The following DNAH11 variants were observed in gnomAD, a reference collection of about 807,000 sequenced individuals.
The protein encoded by DNAH11 is dynein axonemal heavy chain 11.
In DNAH11, 442 loss-of-function variants were observed where a neutral mutation model predicts 526.0. The ratio of observed to expected loss-of-function variants is 0.84; its 90% CI spans 0.78 to 0.91. The LOEUF (loss-of-function observed/expected upper bound fraction) is 0.91. Among genes scored for constraint, DNAH11 ranks in the 40% least tolerant of loss-of-function variants. The pLI is 0.00. For synonymous variants in DNAH11, 2,461 were observed against 1,935.9 expected, an observed-to-expected ratio of 1.27 and a Z score of -7.12; for missense variants, 6,989 against 5,448.7, an observed-to-expected ratio of 1.28 and a Z score of -8.90.
At chr7:21,772,184 T>C (rs951072182) in intron 55 of DNAH11, among the ~76,000 whole-genome samples, 1 of 152,160 alleles carries the variant, frequency 6.6e-6, no homozygotes, top group African/African-American at 2.4e-5. Context: ...TTTTGCCCCA[T>C]TGAGACAAGT....
chr7:21,644,045 A>G (rs1006011727), intron 28 of DNAH11, among the ~76,000 whole-genome samples: 1 of 151,306 alleles, frequency 6.6e-6, no homozygotes, highest in African/African-American at 2.4e-5. Flanking sequence ...CTTCAAGGAC[A>G]TCTGCACCAA....
chr7:21,571,227 G>GA (rs1191134178), intron 7 of DNAH11, among the ~76,000 whole-genome samples: 1 of 152,124 alleles, frequency 6.6e-6, no homozygotes, highest in Non-Finnish European at 1.5e-5. Flanking sequence ...AAAATTGGGG[G>GA]AGTTATGTGT....
chr7:21,614,162 C>T (rs1364780052), intron 20 of DNAH11, among the ~76,000 whole-genome samples: 1 of 152,036 alleles, frequency 6.6e-6, no homozygotes, highest in Admixed American at 6.6e-5. Flanking sequence ...GTTGATGGAA[C>T]ATAAAAGCAT....
intron 20 of DNAH11, among the ~76,000 whole-genome samples, chr7:21,608,559 A>T (rs1006211649): frequency 6.6e-6 from 1 of 152,234 alleles, no homozygotes. Flanking sequence ...ACACCATTCT[A>T]TAGCATCATG....
Position 21,786,764 on chromosome 7 carries a change from A to T in DNAH11, c.9738A>T (p.Gly3246=). The T allele has an allele frequency of 6.2e-7, 1 of 1,613,694 alleles. No individual in the cohort carries two copies. The highest frequency in any genetic ancestry group is 8.5e-7 in the Non-Finnish European group (1 of 1,179,700). The change falls in exon 59 of 82, where the codon GGA becomes GGT. Residue 3246 remains glycine, a synonymous_variant. Coordinates refer to ENST00000409508, the MANE Select transcript of DNAH11 (RefSeq NM_001277115.2). The part of the protein sequence containing the change: ...RSWKAAKVFM[G]KVDDFLQALI... ...GGAAAGCAGCTAAAGTCTTCATGGG[A>T]AAGGTATCAGCCCAGCCTGGCAAGA...
chr7:21,699,962 A>G (rs1465771143), intron 36 of DNAH11, among the ~76,000 whole-genome samples: 1 of 152,194 alleles, frequency 6.6e-6, no homozygotes, highest in African/African-American at 2.4e-5. Flanking sequence ...ATTGGGAGAC[A>G]ATGGAGAATG....
chr7:21,654,849 C>T (rs536284462), intron 28 of DNAH11, among the ~76,000 whole-genome samples: 9 of 152,272 alleles, frequency 5.9e-5, no homozygotes, highest in Admixed American at 4.6e-4. Context: ...TTTACCTACA[C>T]AACACATGTC....
intron 28 of DNAH11, among the ~76,000 whole-genome samples, chr7:21,644,392 G>T (rs1381464076): frequency 6.6e-6 from 1 of 152,124 alleles, no homozygotes; most frequent in African/African-American, 2.4e-5. Flanking sequence ...TTCACTGACA[G>T]GAGGATATTC....
intron 8 of DNAH11, among the ~76,000 whole-genome samples, chr7:21,577,397 A>G (rs1430512270): frequency 1.3e-5 from 2 of 152,180 alleles, no homozygotes; most frequent in African/African-American, 4.8e-5. Flanking sequence ...AGATGACCAC[A>G]TAGGGAGCCA....
intron 25 of DNAH11, among the ~76,000 whole-genome samples, chr7:21,628,690 C>G (rs1437951441): frequency 2.0e-5 from 3 of 152,026 alleles, no homozygotes; most frequent in Non-Finnish European, 4.4e-5. Flanking sequence ...ATTCCATCAG[C>G]TAATATTTTG....
intron 45 of DNAH11, among the ~76,000 whole-genome samples, chr7:21,731,957 A>T (rs1785406098): frequency 5.3e-5 from 8 of 152,196 alleles, no homozygotes; most frequent in Admixed American, 5.2e-4. Flanking sequence ...AGTGTACCTA[A>T]TTTATAAATT....
Position 21,750,310 on chromosome 7 carries a change from C to T in DNAH11, c.8886C>T (p.Asp2962=). ...HNEVHALGMV[D]SRENCWKFFM... Reference sequence around the variant, plus strand: ...AAGTTCATGCTCTGGGCATGGTAGACTCCAGGGAAAACTGTTGGAAATTCT... The same window carrying T: ...AAGTTCATGCTCTGGGCATGGTAGATTCCAGGGAAAACTGTTGGAAATTCT... Residue 2962 remains aspartate, a synonymous_variant, in exon 54 of 82, where the codon GAC becomes GAT. Transcript: ENST00000409508. 2 of 1,605,964 alleles carry T rather than the reference C, an allele frequency of 1.2e-6. No individual in the cohort carries two copies. The highest frequency in any genetic ancestry group is 1.7e-6 in the Non-Finnish European group (2 of 1,176,106).
At chr7:21,856,940 C>T (rs556312977) in intron 68 of DNAH11, among the ~76,000 whole-genome samples, 1 of 152,158 alleles carries the variant, frequency 6.6e-6, no homozygotes, top group Admixed American at 6.5e-5. Context: ...ATATCTTTCT[C>T]TCAGCACATC....
At chr7:21,685,773 C>G (rs1195809783) in intron 32 of DNAH11, among the ~76,000 whole-genome samples, 2 of 152,118 alleles carry the variant, frequency 1.3e-5, no homozygotes, top group African/African-American at 4.8e-5. Flanking sequence ...AGGTGGCTGA[C>G]ATGCTAAACA....
Position 21,638,691 on chromosome 7 carries a change from G to GGTGTGT in DNAH11, c.4818-211_4818-206dup, listed in dbSNP as rs56257528. Among the ~76,000 whole-genome samples the GGTGTGT allele has an allele frequency of 8.5e-3, 1,228 of 144,202 alleles. 15 individuals are homozygous for GGTGTGT. The highest frequency in any genetic ancestry group is 0.035 in the East Asian group (174 of 4,926). 94.6% of individuals were successfully genotyped at this position (144,202 alleles called of 152,430 possible). ...ATTCATATTTAGCCACAGCTAATGG[G>GGTGTGT]GTGTGTGTGTGTGTGTGTGTGTGTG... is the stretch of plus-strand genomic sequence containing the variant. On this transcript the variant is annotated intron_variant, in intron 27 of 81. Coordinates refer to ENST00000409508, the MANE Select transcript of DNAH11 (RefSeq NM_001277115.2).
chr7:21,899,031 T>G (rs1440090336), intron 79 of DNAH11, among the ~76,000 whole-genome samples: 2 of 152,230 alleles, frequency 1.3e-5, no homozygotes, highest in Non-Finnish European at 2.9e-5. Flanking sequence ...ATGACCTTTG[T>G]ATAGTCACCA....
intron 14 of DNAH11, among the ~76,000 whole-genome samples, chr7:21,594,755 G>A (rs1208465629): frequency 1.3e-5 from 2 of 152,044 alleles, no homozygotes; most frequent in African/African-American, 4.8e-5. Flanking sequence ...GGGAGTAGAG[G>A]GAGCTGAGTG....
At chr7:21,846,381 C>A (rs558426336) in intron 66 of DNAH11, among the ~76,000 whole-genome samples, 2 of 152,180 alleles carry the variant, frequency 1.3e-5, no homozygotes, top group African/African-American at 4.8e-5. Flanking sequence ...TTCTTTATCA[C>A]GTTAAGAAAG....
At chr7:21,839,845 T>A (rs554230705) in intron 65 of DNAH11, among the ~76,000 whole-genome samples, 2 of 152,198 alleles carry the variant, frequency 1.3e-5, no homozygotes, top group Non-Finnish European at 2.9e-5. Context: ...GTAAGATCAC[T>A]CTGCAGGGAA....
Sources: gnomAD v4.1 joint callset for allele counts (sites outside exome capture counted in the v4.1 genomes callset) on GRCh38, gnomAD v4.1.1 for gene constraint, MANE v1.5 for transcripts, NCBI Gene and HGNC (gene_info 2026-07-23, HGNC 2026-07-21) for gene names.